The following KCNT2 variants were observed in gnomAD, a reference collection of about 807,000 sequenced individuals.
KCNT2 encodes the protein potassium sodium-activated channel subfamily T member 2, also known as potassium channel subfamily T member 2.
Under a neutral mutation model 153.8 loss-of-function variants are expected in KCNT2, and 67 were observed. The observed-to-expected ratio is 0.44, with a 90% confidence interval of 0.36 to 0.53. The LOEUF (loss-of-function observed/expected upper bound fraction) is 0.53, where lower values mean the gene tolerates loss of function less well. KCNT2 is among the 20% of genes least tolerant of loss of function. The pLI is 0.00. For synonymous variants in KCNT2, 500 were observed against 458.8 expected, an observed-to-expected ratio of 1.09 and a Z score of -1.15; for missense variants, 975 against 1,354.8, an observed-to-expected ratio of 0.72 and a Z score of 4.40.
chr1:196,388,134 A>G (rs1482712525), intron 13 of KCNT2, among the ~76,000 whole-genome samples: 1 of 151,628 alleles, frequency 6.6e-6, no homozygotes, highest in Admixed American at 6.6e-5. Flanking sequence ...TTTTTTCCAG[A>G]AGGATATAAA....
intron 10 of KCNT2, among the ~76,000 whole-genome samples, chr1:196,427,621 A>C (rs1673767627): frequency 6.6e-6 from 1 of 152,120 alleles, no homozygotes; most frequent in African/African-American, 2.4e-5. Context: ...TGCTATACAT[A>C]TAGGATATAT....
chr1:196,494,555 T>C (rs1427117398), intron 1 of KCNT2, among the ~76,000 whole-genome samples: 1 of 152,030 alleles, frequency 6.6e-6, no homozygotes, highest in East Asian at 1.9e-4. Context: ...CCAGCCACCA[T>C]GCCGTGTTAG....
intron 1 of KCNT2, among the ~76,000 whole-genome samples, chr1:196,599,680 G>T (rs898871496): frequency 1.3e-5 from 2 of 152,156 alleles, no homozygotes; most frequent in Non-Finnish European, 2.9e-5. Context: ...CCAGGCGATT[G>T]TCCCCTACAC....
intron 24 of KCNT2, 24 bp from the exon 25 acceptor site, chr1:196,281,012 C>T: frequency 6.4e-7 from 1 of 1,572,450 alleles, no homozygotes; most frequent in Non-Finnish European, 8.7e-7. Context: ...AAATTATTTA[C>T]ATATTAAATG....
intron 1 of KCNT2, among the ~76,000 whole-genome samples, chr1:196,502,803 TC>T (rs550637298): frequency 5.2e-4 from 79 of 152,224 alleles, no homozygotes; most frequent in Admixed American, 2.7e-3. Context: ...TCTCTGTACT[TC>T]CCCATTTTAT....
At chr1:196,570,656 C>CTAT (rs1395158380) in intron 1 of KCNT2, among the ~76,000 whole-genome samples, 3 of 152,042 alleles carry the variant, frequency 2.0e-5, no homozygotes, top group Non-Finnish European at 4.4e-5. Flanking sequence ...GATTAGGGTG[C>CTAT]TATACAGAAT....
At chr1:196,351,901 G>A (rs1416640597) in intron 14 of KCNT2, among the ~76,000 whole-genome samples, 1 of 152,138 alleles carries the variant, frequency 6.6e-6, no homozygotes, top group Non-Finnish European at 1.5e-5. Flanking sequence ...TTTATTGACA[G>A]TTTTTAGCAT....
At chr1:196,593,593 A>G (rs12133987) in intron 1 of KCNT2, among the ~76,000 whole-genome samples, 117,938 of 151,510 alleles carry the variant, frequency 0.78, 49,424 homozygotes, top group East Asian at 0.97. Flanking sequence ...GGGGGGATGG[A>G]TATCCCATTT....
intron 8 of KCNT2, among the ~76,000 whole-genome samples, chr1:196,452,972 A>G (rs1040337693): frequency 1.3e-5 from 2 of 151,986 alleles, no homozygotes; most frequent in African/African-American, 4.8e-5. Flanking sequence ...TGTTTCAACA[A>G]CTATCTGGGA....
At chr1:196,459,225 C>T (rs1676942896) in intron 8 of KCNT2, among the ~76,000 whole-genome samples, 1 of 151,414 alleles carries the variant, frequency 6.6e-6, no homozygotes, top group African/African-American at 2.4e-5. Flanking sequence ...ATGTCATTAG[C>T]CATAAATTTG....
intron 14 of KCNT2, among the ~76,000 whole-genome samples, chr1:196,350,969 C>T (rs1326491626): frequency 6.6e-6 from 1 of 152,076 alleles, no homozygotes; most frequent in East Asian, 1.9e-4. Context: ...GAATCCTTTC[C>T]CCATTGCTTG....
intron 27 of KCNT2, among the ~76,000 whole-genome samples, chr1:196,232,416 T>C (rs1185432571): frequency 2.0e-5 from 3 of 151,724 alleles, no homozygotes; most frequent in Non-Finnish European, 4.4e-5. Flanking sequence ...TTTCCTATTA[T>C]TGTCACTACA....
At chr1:196,565,567 T>C (rs1395354241) in intron 1 of KCNT2, among the ~76,000 whole-genome samples, 1 of 149,424 alleles carries the variant, frequency 6.7e-6, no homozygotes, top group Admixed American at 6.7e-5. Flanking sequence ...CTTTTTAAAA[T>C]GTTGTATATA....
chr1:196,475,520 G>A (rs1464723188), intron 5 of KCNT2, among the ~76,000 whole-genome samples: 1 of 151,884 alleles, frequency 6.6e-6, no homozygotes, highest in African/African-American at 2.4e-5. Context: ...ACTTAGGAGG[G>A]TGAGGCGAGC....
chr1:196,415,256 C>T (rs2148496366), intron 12 of KCNT2, among the ~76,000 whole-genome samples: 1 of 151,952 alleles, frequency 6.6e-6, no homozygotes, highest in East Asian at 2.0e-4. Context: ...TTTCTACTAT[C>T]CTGATTGAGT....
chr1:196,269,677 C>A (rs537295715), intron 25 of KCNT2, among the ~76,000 whole-genome samples: 92 of 151,876 alleles, frequency 6.1e-4, no homozygotes, highest in Non-Finnish European at 1.2e-3. Flanking sequence ...AATCTACCTG[C>A]CATAAAAAAT....
At chr1:196,369,856 G>T (rs1368053994) in intron 14 of KCNT2, among the ~76,000 whole-genome samples, 1 of 152,048 alleles carries the variant, frequency 6.6e-6, no homozygotes, top group African/African-American at 2.4e-5. Flanking sequence ...TGGGATGGCT[G>T]GGTCAAATGG....
At chr1:196,284,500 T>G (rs1486406453) in intron 23 of KCNT2, among the ~76,000 whole-genome samples, 1 of 151,542 alleles carries the variant, frequency 6.6e-6, no homozygotes, top group Non-Finnish European at 1.5e-5. Flanking sequence ...TAAAAAAATC[T>G]TAAAACTACT....
intron 8 of KCNT2, among the ~76,000 whole-genome samples, chr1:196,431,564 G>C (rs374644516): frequency 7.2e-5 from 11 of 152,162 alleles, no homozygotes; most frequent in African/African-American, 1.7e-4. Flanking sequence ...GGAGGAAAAG[G>C]CATCCTTATT....
Sources: gnomAD v4.1 joint callset for allele counts (sites outside exome capture counted in the v4.1 genomes callset) on GRCh38, gnomAD v4.1.1 for gene constraint, MANE v1.5 for transcripts, NCBI Gene and HGNC (gene_info 2026-07-23, HGNC 2026-07-21) for gene names.